The following FAM151B variants were observed in gnomAD, a reference collection of about 807,000 sequenced individuals.
FAM151B encodes the protein protein FAM151B.
FAM151B carries 24 observed loss-of-function variants against 31.2 expected under a neutral mutation model. The observed-to-expected ratio is 0.77, with a 90% CI of 0.56 to 1.08. The LOEUF (loss-of-function observed/expected upper bound fraction) is 1.08, where lower values mean the gene tolerates loss of function less well. Among genes scored for constraint, FAM151B ranks in the 50% least tolerant of loss-of-function variants. FAM151B has a pLI of 0.00. For missense variants in FAM151B, 293 were observed against 328.6 expected (o/e 0.89, Z 0.84); for synonymous variants, 105 against 111.4 (o/e 0.94, Z 0.36).
At chr5:80,528,953 C>T (rs540124370) in intron 5 of FAM151B, among the ~76,000 whole-genome samples, 3 of 152,254 alleles carry the variant, frequency 2.0e-5, no homozygotes, top group African/African-American at 4.8e-5. Flanking sequence ...AGCACCACAT[C>T]GCATTTATTC....
At chr5:80,513,914 A>C (rs1316954859) in intron 3 of FAM151B, 145 bp downstream of exon 3, 2 of 774,952 alleles carry the variant, frequency 2.6e-6, no homozygotes, top group African/African-American at 3.5e-5. Context: ...CCTAAGACCC[A>C]CTGAGTTATT....
At position 80,501,890 on chromosome 5, in the gene FAM151B, A is replaced by G; in HGVS notation, c.124A>G (p.Lys42Glu). 1.2e-6 allele frequency: 2 copies of G among 1,603,516 alleles called. No individual in the cohort carries two copies. Among genetic ancestry groups the G allele is most frequent in the African/African-American group, 2.7e-5 (2 of 74,774 alleles). The change falls in exon 2 of 6, where the codon AAG becomes GAG. Residue 42 changes from lysine (K) to glutamate (E), a missense_variant. By Grantham distance (56) the Lys-to-Glu change is moderately conservative. Transcript: ENST00000282226. ...CACCTGGTATCATGCAGCTAACCACAAGGCACAAACAAATGAGGCACTGAA... is the reference window on the plus strand; with the variant it reads ...CACCTGGTATCATGCAGCTAACCACGAGGCACAAACAAATGAGGCACTGAA... Reference protein sequence around the residue: ...EITWYHAANHKAQTNEALKST... With the variant: ...EITWYHAANHEAQTNEALKST...
chr5:80,507,386 A>G (rs1744008094), intron 2 of FAM151B, among the ~76,000 whole-genome samples: 1 of 152,240 alleles, frequency 6.6e-6, no homozygotes, highest in Middle Eastern at 3.4e-3. Context: ...TTATTTCTCA[A>G]GATCCACTTG....
chr5:80,538,514 TTCC>T (rs1745698273), intron 5 of FAM151B, among the ~76,000 whole-genome samples: 39 of 14,478 alleles, frequency 2.7e-3, no homozygotes, highest in African/African-American at 4.3e-3. Context: ...TTTTCTTTCT[TTCC>T]TTCCTTCCTT....
chr5:80,530,408 A>T (rs528609765), intron 5 of FAM151B, among the ~76,000 whole-genome samples: 1 of 152,282 alleles, frequency 6.6e-6, no homozygotes, highest in East Asian at 1.9e-4. Context: ...GGAGAAGGAA[A>T]TAAAGGGTAT....
At chr5:80,489,736 A>T (rs1356815443) in intron 1 of FAM151B, among the ~76,000 whole-genome samples, 3 of 152,192 alleles carry the variant, frequency 2.0e-5, no homozygotes, top group Non-Finnish European at 4.4e-5. Flanking sequence ...CATCCTGGCT[A>T]ACACAGTGAA....
intron 3 of FAM151B, among the ~76,000 whole-genome samples, chr5:80,515,901 A>G (rs551536953): frequency 2.0e-5 from 3 of 152,346 alleles, no homozygotes; most frequent in South Asian, 4.1e-4. Flanking sequence ...GCCTGGCTGG[A>G]GAGTTCACAC....
At chr5:80,500,587 A>G in intron 1 of FAM151B, 1 of 757,254 alleles carries the variant, frequency 1.3e-6, no homozygotes, top group South Asian at 1.4e-5. Context: ...TACCTGCAGA[A>G]CCCAAAATGG....
intron 1 of FAM151B, among the ~76,000 whole-genome samples, chr5:80,498,371 T>A (rs1181998205): frequency 6.6e-6 from 1 of 152,162 alleles, no homozygotes; most frequent in Admixed American, 6.6e-5. Flanking sequence ...GACTGCTAAG[T>A]CCCATGTATG....
At chr5:80,505,749 A>AT (rs386404255) in intron 2 of FAM151B, among the ~76,000 whole-genome samples, 4,216 of 77,850 alleles carry the variant, frequency 0.054, 262 homozygotes, top group Non-Finnish European at 0.071. Context: ...TCCTATAAGA[A>AT]TTTTTTTTTT....
chr5:80,493,952 C>T (rs1320677347), intron 1 of FAM151B, among the ~76,000 whole-genome samples: 7 of 152,148 alleles, frequency 4.6e-5, no homozygotes, highest in Non-Finnish European at 1.0e-4. Context: ...TTTTGTGGCT[C>T]GGGGTCATCA....
chr5:80,495,561 C>T (rs780938262), intron 1 of FAM151B, among the ~76,000 whole-genome samples: 2 of 152,210 alleles, frequency 1.3e-5, no homozygotes, highest in East Asian at 1.9e-4. Context: ...CAGGGCGCAG[C>T]GGCTCATGCC....
Position 80,498,351 on chromosome 5 carries a change from C to A in FAM151B, c.26-3441C>A, listed in dbSNP as rs143530092. Among the ~76,000 whole-genome samples the A allele has an allele frequency of 6.8e-3, 1,040 of 152,082 alleles. 10 individuals carry two copies. The highest frequency in any genetic ancestry group is 0.024 in the African/African-American group (1,001 of 41,492). ...TTTTTTTTTAAATTCTGCAGCCCAG[C>A]GTTAGAAGTGACTGCTAAGTCCCAT... On this transcript the variant is annotated intron_variant, in intron 1 of 5. Transcript: ENST00000282226.
At chr5:80,506,923 A>G (rs1165142183) in intron 2 of FAM151B, among the ~76,000 whole-genome samples, 2 of 151,796 alleles carry the variant, frequency 1.3e-5, no homozygotes, top group African/African-American at 4.8e-5. Flanking sequence ...GGTCGAGACC[A>G]GCCTGGCCAA....
chr5:80,510,966 T>C (rs1465986026), intron 2 of FAM151B: 1 of 152,200 alleles, frequency 6.6e-6, no homozygotes, highest in Non-Finnish European at 1.5e-5. Flanking sequence ...ACCATCAGTA[T>C]TGTTTCCACC....
intron 5 of FAM151B, among the ~76,000 whole-genome samples, chr5:80,537,236 C>G (rs1580460748): frequency 6.6e-6 from 1 of 152,284 alleles, no homozygotes; most frequent in South Asian, 2.1e-4. Context: ...CTGGACTAAT[C>G]AACCTTGCTG....
chr5:80,490,670 A>C (rs1345654962), intron 1 of FAM151B, among the ~76,000 whole-genome samples: 1 of 152,170 alleles, frequency 6.6e-6, no homozygotes, highest in African/African-American at 2.4e-5. Context: ...TCCAATATAG[A>C]CCCTCTTATG....
At chr5:80,524,689 A>G (rs554224252) in intron 5 of FAM151B, among the ~76,000 whole-genome samples, 2 of 152,308 alleles carry the variant, frequency 1.3e-5, no homozygotes, top group South Asian at 4.1e-4. Context: ...TATGTAGACT[A>G]TACTTTTTAT....
At chr5:80,519,052 G>A (rs1744583115) in intron 3 of FAM151B, 1 of 152,154 alleles carries the variant, frequency 6.6e-6, no homozygotes, top group African/African-American at 2.4e-5. Context: ...GATTGAAGTT[G>A]CTTTTTAAAT....
Sources: gnomAD v4.1 joint callset for allele counts (sites outside exome capture counted in the v4.1 genomes callset) on GRCh38, gnomAD v4.1.1 for gene constraint, MANE v1.5 for transcripts, NCBI Gene and HGNC (gene_info 2026-07-23, HGNC 2026-07-21) for gene names.